PKM: variants seen among roughly 807,000 people sequenced by gnomAD.
PKM encodes pyruvate kinase PKM.
PKM carries 18 observed loss-of-function variants against 49.8 expected under a neutral mutation model. The observed-to-expected ratio is 0.36, with a 90% CI of 0.25 to 0.54. The LOEUF (loss-of-function observed/expected upper bound fraction) is 0.54, where lower values mean the gene tolerates loss of function less well. Ranked by LOEUF, PKM falls within the 20% of genes least tolerant of loss-of-function variation. PKM has a pLI of 0.89. For synonymous variants in PKM, 239 were observed against 261.8 expected (o/e 0.91, Z 0.84); for missense variants, 508 against 713.8 (o/e 0.71, Z 3.28).
intron 1 of PKM, among the ~76,000 whole-genome samples, chr15:72,225,323 C>T (rs1313761986): frequency 1.4e-5 from 2 of 145,402 alleles, no homozygotes; most frequent in Non-Finnish European, 3.1e-5. Context: ...ACCCTTTCCA[C>T]CTCCATCTTA....
At chr15:72,199,958 G>A (rs2081898616) in intron 10 of PKM, among the ~76,000 whole-genome samples, 1 of 152,112 alleles carries the variant, frequency 6.6e-6, no homozygotes, top group African/African-American at 2.4e-5. Context: ...AGGGTTGGCA[G>A]GGACCTTTGG....
Position 72,200,704 on chromosome 15 carries a change from A to C in PKM, c.1308-49T>G. On this transcript the variant is annotated intron_variant, in intron 9 of 10. Coordinates refer to ENST00000335181, the MANE Select transcript of PKM (RefSeq NM_002654.6). The surrounding 1 kb of genome is among the most constrained non-coding windows in gnomAD (Gnocchi z 4.6). ...AGAAGAGACCATTACACGAGGCCCC[A>C]GGAAGTACCCTCAGGGCGTTCAAAC... 3 of 1,532,540 alleles carry C rather than the reference A, an allele frequency of 2.0e-6. No individual in the cohort carries two copies. The highest frequency in any genetic ancestry group is 2.7e-6 in the Non-Finnish European group (3 of 1,115,130). The allele number at this position is 1,532,540 out of a possible 1,614,324, so 94.9% of individuals were successfully genotyped here.
chr15:72,229,296 A>G (rs2082775185), intron 1 of PKM, among the ~76,000 whole-genome samples: 1 of 152,218 alleles, frequency 6.6e-6, no homozygotes, highest in Admixed American at 6.5e-5. Context: ...CGTAAGCATG[A>G]ATCCTTTCAA....
chr15:72,218,815 C>T (rs1046329395), intron 2 of PKM, 129 bp downstream of exon 2: 1 of 928,964 alleles, frequency 1.1e-6, no homozygotes, highest in South Asian at 1.4e-5. Context: ...GACCTGAGTC[C>T]TTTCATAAGA....
chr15:72,226,005 A>G (rs1305945641), intron 1 of PKM, among the ~76,000 whole-genome samples: 2 of 152,214 alleles, frequency 1.3e-5, no homozygotes, highest in Non-Finnish European at 2.9e-5. Context: ...GACTTTTTAA[A>G]TGTTTGCCCA....
At chr15:72,205,040 A>G (rs115154985) in intron 8 of PKM, among the ~76,000 whole-genome samples, 1 of 152,120 alleles carries the variant, frequency 6.6e-6, no homozygotes, top group Non-Finnish European at 1.5e-5. Context: ...ACGAATGGTG[A>G]GGTGTCAGCC....
intron 8 of PKM, among the ~76,000 whole-genome samples, chr15:72,205,850 A>G (rs957895833): frequency 6.6e-6 from 1 of 152,110 alleles, no homozygotes; most frequent in Non-Finnish European, 1.5e-5. Flanking sequence ...TACCAAACCT[A>G]TGTAACCCTG....
chr15:72,219,164 C>A (rs1159619151), intron 1 of PKM, 54 bp from the exon 2 acceptor site: 28 of 1,504,752 alleles, frequency 1.9e-5, no homozygotes, highest in Non-Finnish European at 2.4e-5. Context: ...GGTTAATATA[C>A]CATTTAGCAC....
At chr15:72,231,231 G>A (rs558901510), upstream of PKM, 8 of 165,558 alleles carry the variant, frequency 4.8e-5, no homozygotes, top group South Asian at 5.0e-4. Context: ...CCCGCTGCGG[G>A]CCGCCGCAAT....
chr15:72,206,369 ACT>A (rs34379240), intron 8 of PKM: 19,023 of 281,304 alleles, frequency 0.068, 854 homozygotes, highest in Non-Finnish European at 0.093. Flanking sequence ...AGAACTTCTG[ACT>A]CTGAGGAAGA....
At chr15:72,211,302 C>T (rs1026765050) in intron 3 of PKM, among the ~76,000 whole-genome samples, 3 of 152,036 alleles carry the variant, frequency 2.0e-5, no homozygotes, top group East Asian at 1.9e-4. Flanking sequence ...CTCCTGATCT[C>T]GTGATCCGCC....
At chr15:72,221,442 A>G (rs983088958) in intron 1 of PKM, among the ~76,000 whole-genome samples, 1 of 152,116 alleles carries the variant, frequency 6.6e-6, no homozygotes, top group African/African-American at 2.4e-5. Context: ...ACTATTCTAT[A>G]CAAGAACCTG....
rs1467082318 is a variant in PKM at position 72,207,205 on chromosome 15, T to G, written c.909A>C (p.Ala303=). ...ARGDLGIEIP[A]EKVFLAQKMM... ...TCTTCTGAGCAAGGAAGACCTTCTC[T>G]GCAGGAATCTCAATGCCTAGATCAC... The change falls in exon 7 of 11, where the codon GCA becomes GCC. Residue 303 remains alanine, a synonymous_variant. Transcript: ENST00000335181. 2 of 1,614,128 alleles carry G rather than the reference T, an allele frequency of 1.2e-6. No homozygotes were observed. Among genetic ancestry groups the G allele is most frequent in the Non-Finnish European group, 1.7e-6 (2 of 1,179,976 alleles).
intron 8 of PKM, chr15:72,204,681 T>C (rs1267728629): frequency 6.6e-6 from 1 of 152,220 alleles, no homozygotes; most frequent in Admixed American, 6.5e-5. Flanking sequence ...GCAATGAATA[T>C]TTAATGCTAA....
chr15:72,225,849 T>C (rs1440328632), intron 1 of PKM, among the ~76,000 whole-genome samples: 1 of 152,226 alleles, frequency 6.6e-6, no homozygotes, highest in Non-Finnish European at 1.5e-5. Context: ...TGTGAGTTTC[T>C]ATATATCCAG....
chr15:72,202,614 G>C lies in PKM; in HGVS notation c.1147C>G (p.Arg383Gly). 1 of 1,612,512 alleles carries C rather than the reference G, an allele frequency of 6.2e-7. No homozygotes were observed. Among genetic ancestry groups the C allele is most frequent in the Non-Finnish European group, 8.5e-7 (1 of 1,179,326 alleles). Residue 383 changes from arginine (R) to glycine (G), a missense_variant, in exon 9 of 11, where the codon CGT (arginine) becomes GGT (glycine). Arg to Gly is a moderately radical substitution (Grantham distance 125). Coordinates refer to ENST00000335181, the MANE Select transcript of PKM (RefSeq NM_002654.6). The surrounding 1 kb of genome is among the most constrained non-coding windows in gnomAD (Gnocchi z 4.5). ...EAVRMQHLIA[R>G]EAEAAIYHLQ... ...TGGTAGATGGCAGCCTCTGCCTCAC[G>C]GGCAATCTAGGGGAGCAACATCCGT...
In PKM at chr15:72,209,860, C is replaced by G; in HGVS notation, c.379-1G>C. The G allele has an allele frequency of 6.2e-7, 1 of 1,613,888 alleles. No homozygotes were observed. Among genetic ancestry groups the G allele is most frequent in the South Asian group, 1.1e-5 (1 of 91,076 alleles). ...TCAGCTCCACCTCTGCAGTGCCGCT[C>G]TAGGGACAAGAGAGTAAGCAAGAGT... On this transcript the variant is annotated splice_acceptor_variant, in intron 4 of 10. Coordinates refer to ENST00000335181, the MANE Select transcript of PKM (RefSeq NM_002654.6). LOFTEE classifies it high-confidence loss of function.
chr15:72,203,697 G>A (rs770647355), intron 8 of PKM: 39 of 170,032 alleles, frequency 2.3e-4, no homozygotes, highest in Non-Finnish European at 4.1e-4. Flanking sequence ...GGCCTGCCAT[G>A]GCAACAGATT....
At chr15:72,228,309 A>G (rs2140823101) in intron 1 of PKM, among the ~76,000 whole-genome samples, 1 of 151,092 alleles carries the variant, frequency 6.6e-6, no homozygotes, top group East Asian at 1.9e-4. Flanking sequence ...GCCAGTCTAC[A>G]CTTAAGCTCT....
Sources: allele counts gnomAD v4.1 joint callset (sites outside exome capture counted in the v4.1 genomes callset), GRCh38; gene constraint gnomAD v4.1.1; non-coding constraint Gnocchi (gnomAD v3.1); transcripts MANE v1.5; gene names NCBI Gene and HGNC (gene_info 2026-07-23, HGNC 2026-07-21).